The following P3H2 variants were observed in gnomAD, a reference collection of about 807,000 sequenced individuals.
P3H2 encodes leprecan-like 1.
A neutral mutation model predicts 87.0 loss-of-function variants in P3H2; 80 were observed. The observed-to-expected ratio is 0.92, with a 90% CI of 0.77 to 1.11. The LOEUF (loss-of-function observed/expected upper bound fraction) is 1.11. P3H2 is among the 50% of genes least tolerant of loss of function. The pLI, the probability that P3H2 is intolerant of heterozygous loss-of-function variation, is 0.00. For missense variants in P3H2, 1,001 were observed against 923.9 expected (o/e 1.08, Z -1.08); for synonymous variants, 367 against 359.3 (o/e 1.02, Z -0.24).
intron 1 of P3H2, among the ~76,000 whole-genome samples, chr3:190,066,484 G>C (rs774421670): frequency 3.9e-5 from 6 of 151,922 alleles, no homozygotes; most frequent in Non-Finnish European, 8.8e-5. Context: ...AGGGACTCAG[G>C]GGGTAAGGAT....
intron 1 of P3H2, among the ~76,000 whole-genome samples, chr3:190,076,000 A>G (rs1246456599): frequency 1.3e-5 from 2 of 152,018 alleles, no homozygotes; most frequent in Non-Finnish European, 2.9e-5. Flanking sequence ...TTTGTCTTGT[A>G]CTCCTCATGG....
intron 3 of P3H2, 24 bp downstream of exon 3, chr3:189,994,070 T>C (rs199857489): frequency 1.3e-6 from 2 of 1,561,912 alleles, no homozygotes; most frequent in Non-Finnish European, 1.8e-6. Flanking sequence ...AAGAAAGAAA[T>C]AAAATGAAAA....
chr3:190,025,501 C>T (rs960518890), intron 1 of P3H2, among the ~76,000 whole-genome samples: 3 of 151,976 alleles, frequency 2.0e-5, no homozygotes, highest in Non-Finnish European at 2.9e-5. Flanking sequence ...CTCATTTTCC[C>T]CAAGTATAAA....
intron 1 of P3H2, among the ~76,000 whole-genome samples, chr3:190,058,016 T>A (rs1301204930): frequency 1.3e-5 from 2 of 152,034 alleles, no homozygotes; most frequent in African/African-American, 4.8e-5. Context: ...GAGGAATAGC[T>A]GGGGCAGATA....
intron 1 of P3H2, among the ~76,000 whole-genome samples, chr3:190,084,183 T>C (rs1454898948): frequency 1.3e-5 from 2 of 152,268 alleles, no homozygotes; most frequent in South Asian, 2.1e-4. Flanking sequence ...GTATATTGCA[T>C]ATAGAGCAAG....
chr3:189,983,037 G>C lies in P3H2; in HGVS notation c.1324+9C>G, dbSNP rs1723584673. ...CTCCTTTATAGGGTAAAAGTGCACA[G>C]CTACTTACCTTCTCTTAGGTCTCGA... On this transcript the variant is annotated intron_variant, in intron 8 of 14. Transcript: ENST00000319332. 6.2e-7 allele frequency: 1 copy of C among 1,603,370 alleles called. No homozygotes were observed. Among genetic ancestry groups the C allele is most frequent in the African/African-American group, 1.3e-5 (1 of 74,718 alleles).
chr3:190,059,871 C>T (rs1726281866), intron 1 of P3H2, among the ~76,000 whole-genome samples: 1 of 152,130 alleles, frequency 6.6e-6, no homozygotes, highest in South Asian at 2.1e-4. Context: ...TCCTTCTCGT[C>T]ATCTGAGATT....
At chr3:190,035,706 T>G (rs1303243191) in intron 1 of P3H2, among the ~76,000 whole-genome samples, 1 of 152,210 alleles carries the variant, frequency 6.6e-6, no homozygotes, top group African/African-American at 2.4e-5. Context: ...ATGGGAGTAT[T>G]GCACTATTGA....
chr3:190,037,651 T>A (rs1390763329), intron 1 of P3H2, among the ~76,000 whole-genome samples: 1 of 152,202 alleles, frequency 6.6e-6, no homozygotes, highest in African/African-American at 2.4e-5. Flanking sequence ...CATTTTAAAT[T>A]ACTGACACTT....
intron 1 of P3H2, among the ~76,000 whole-genome samples, chr3:190,095,252 T>TA (rs1727532412): frequency 7.1e-6 from 1 of 141,356 alleles, no homozygotes; most frequent in Non-Finnish European, 1.5e-5. Flanking sequence ...TACACACCTA[T>TA]ACACAGGAAC....
chr3:190,030,143 TATA>T (rs1343233182), intron 1 of P3H2, among the ~76,000 whole-genome samples: 16 of 152,020 alleles, frequency 1.1e-4, no homozygotes, highest in African/African-American at 3.6e-4. Flanking sequence ...AATTTAAACA[TATA>T]ATGAGAAAAG....
chr3:190,024,039 A>G (rs1298382349), intron 1 of P3H2, among the ~76,000 whole-genome samples: 6 of 152,170 alleles, frequency 3.9e-5, no homozygotes, highest in Non-Finnish European at 8.8e-5. Flanking sequence ...AGGATATACT[A>G]TAATATTAAA....
intron 11 of P3H2, among the ~76,000 whole-genome samples, chr3:189,972,507 C>T (rs1387966558): frequency 1.3e-5 from 2 of 152,156 alleles, no homozygotes; most frequent in Non-Finnish European, 2.9e-5. Flanking sequence ...TTCTTTCAAT[C>T]ATCCCTTCAT....
In P3H2 at chr3:189,987,827, A is replaced by G. The variant is rs954280895; in HGVS notation, c.956-158T>C. The G allele has an allele frequency of 1.3e-5, 10 of 785,714 alleles. No individual in the cohort carries two copies. The African/African-American group carries it at 1.4e-4, about 11-fold the overall frequency. The allele number at this position is 785,714 out of a possible 1,614,324, so 48.7% of individuals were successfully genotyped here. A position where few individuals can be genotyped will look rare whatever the true frequency, so the allele number is the denominator to read the frequency against. On this transcript the variant is annotated intron_variant, in intron 4 of 14. Coordinates refer to ENST00000319332, the MANE Select transcript of P3H2 (RefSeq NM_018192.4). Reference sequence around the variant, plus strand: ...AGAGAAAGCAGAAACAGTCACAGATAAAAGGAAAGACATGATTTCAAGTAT... The same window carrying G: ...AGAGAAAGCAGAAACAGTCACAGATGAAAGGAAAGACATGATTTCAAGTAT...
intron 1 of P3H2, among the ~76,000 whole-genome samples, chr3:190,094,733 G>A (rs868274369): frequency 3.9e-5 from 6 of 152,118 alleles, no homozygotes; most frequent in East Asian, 1.9e-4. Flanking sequence ...TTTGTAATCC[G>A]CAAAACACCT....
chr3:190,053,932 T>C (rs773827108), intron 1 of P3H2, among the ~76,000 whole-genome samples: 2 of 152,220 alleles, frequency 1.3e-5, no homozygotes, highest in Non-Finnish European at 2.9e-5. Context: ...CTTCTACACA[T>C]AGGTCTACAA....
rs1258932350 is a variant in P3H2 at position 190,046,842 on chromosome 3, T to C, written c.481-51400A>G. Among the ~76,000 whole-genome samples, 6 of 152,190 alleles carry C rather than the reference T, an allele frequency of 3.9e-5. No individual in the cohort carries two copies. In the South Asian group the frequency reaches 1.2e-3, roughly 32 times the overall value. ...TATTAAGCCACTCTAATTGGTATTG[T>C]AGAAGACCTCAAAAGCTCAGGTAAC... On this transcript the variant is annotated intron_variant, in intron 1 of 14. Coordinates refer to ENST00000319332, the MANE Select transcript of P3H2 (RefSeq NM_018192.4).
At position 189,986,882 on chromosome 3, in the gene P3H2, AG is replaced by A. The variant is rs776348520; in HGVS notation, c.1099-6del. The A allele has an allele frequency of 6.3e-7, 1 of 1,589,544 alleles. No individual in the cohort carries two copies. The highest frequency in any genetic ancestry group is 2.2e-5 in the East Asian group (1 of 44,754). Reference sequence around the variant, plus strand: ...TTTCACAAACATTGTTAAATCCTAGAGAAAAAGAAGTAAAGAAAGACATTTT... The same window carrying A: ...TTTCACAAACATTGTTAAATCCTAGAAAAAAGAAGTAAAGAAAGACATTTT... On this transcript the variant is annotated splice_region_variant and splice_polypyrimidine_tract_variant and intron_variant, in intron 5 of 14. Transcript: ENST00000319332.
chr3:190,070,291 T>G (rs1404441826), intron 1 of P3H2, among the ~76,000 whole-genome samples: 2 of 152,056 alleles, frequency 1.3e-5, no homozygotes, highest in Non-Finnish European at 2.9e-5. Context: ...ATTGGAGGAA[T>G]TGGTGGTAAG....
Sources: gnomAD v4.1 joint callset for allele counts (sites outside exome capture counted in the v4.1 genomes callset) on GRCh38, gnomAD v4.1.1 for gene constraint, MANE v1.5 for transcripts, NCBI Gene and HGNC (gene_info 2026-07-23, HGNC 2026-07-21) for gene names.